RBFOX3: variants seen among roughly 807,000 people sequenced by gnomAD.
RBFOX3 encodes RNA binding fox-1 homolog 3.
RBFOX3 carries 17 observed loss-of-function variants against 48.7 expected under a neutral mutation model. The observed-to-expected ratio is 0.35, with a 90% CI of 0.24 to 0.52. RBFOX3 has a LOEUF of 0.52. Among genes scored for constraint, RBFOX3 ranks in the 20% least tolerant of loss-of-function variants. The pLI, the probability that RBFOX3 is intolerant of heterozygous loss-of-function variation, is 0.94. For missense variants in RBFOX3, 382 were observed against 497.5 expected (o/e 0.77, Z 2.21); for synonymous variants, 212 against 209.5 (o/e 1.01, Z -0.10).
intron 2 of RBFOX3, among the ~76,000 whole-genome samples, chr17:79,384,700 A>C (rs1156451769): frequency 6.6e-6 from 1 of 152,170 alleles, no homozygotes; most frequent in Non-Finnish European, 1.5e-5. Context: ...AGGCCCAAGC[A>C]GGCTGCAGCC....
intron 1 of RBFOX3, among the ~76,000 whole-genome samples, chr17:79,532,200 G>T (rs983957802): frequency 4.8e-5 from 7 of 147,292 alleles, no homozygotes; most frequent in African/African-American, 1.5e-4. Flanking sequence ...CTGCACTGGA[G>T]GGGGGAGGGG....
intron 2 of RBFOX3, among the ~76,000 whole-genome samples, chr17:79,475,560 A>C (rs1162119683): frequency 3.3e-5 from 5 of 152,148 alleles, no homozygotes; most frequent in African/African-American, 4.8e-5. Context: ...CTTAGTTGGA[A>C]ATAAGGTCTT....
chr17:79,202,699 C>T lies in RBFOX3; in HGVS notation c.-34+33067G>A, dbSNP rs1002710901. On this transcript the variant is annotated intron_variant, in intron 4 of 14. Transcript: ENST00000693108. ...CCAGCCTTGGCTGTGCGTGTCAGAG[C>T]GCACAGCTGTGATCCAACAGCCCCT... Among the ~76,000 whole-genome samples, 4 of 152,224 alleles carry T rather than the reference C, an allele frequency of 2.6e-5. No homozygotes were observed. In the East Asian group the frequency reaches 5.8e-4, roughly 22 times the overall value.
At chr17:79,566,323 A>G (rs965029415) in intron 1 of RBFOX3, among the ~76,000 whole-genome samples, 1 of 152,146 alleles carries the variant, frequency 6.6e-6, no homozygotes, top group Admixed American at 6.5e-5. Context: ...TGGGGTCTCC[A>G]CTCATCCACT....
intron 4 of RBFOX3, among the ~76,000 whole-genome samples, chr17:79,157,711 C>T (rs2377303): frequency 0.028 from 4,249 of 152,274 alleles, 179 homozygotes; most frequent in African/African-American, 0.096. Flanking sequence ...CCCAGGCCCA[C>T]GCTGTCCCCA....
At chr17:79,298,005 C>T (rs377629069) in intron 3 of RBFOX3, among the ~76,000 whole-genome samples, 54 of 152,300 alleles carry the variant, frequency 3.5e-4, no homozygotes, top group African/African-American at 1.3e-3. Flanking sequence ...AGTTCGCCAT[C>T]AAGCAAATAC....
In RBFOX3 at chr17:79,117,004, G is replaced by A. The variant is rs375883678; in HGVS notation, c.-33-1256C>T. On this transcript the variant is annotated intron_variant, in intron 4 of 14. Transcript: ENST00000693108. ...GGGCCTGAGAAGCAGCCCTGGTGGG[G>A]AGCCCTTATGATCCCAAGAGGAGGG... 3.8e-3 allele frequency among the ~76,000 whole-genome samples: 582 copies of A among 152,354 alleles called. 8 individuals are homozygous for A. Among genetic ancestry groups the A allele is most frequent in the African/African-American group, 0.013 (555 of 41,592 alleles).
intron 1 of RBFOX3, among the ~76,000 whole-genome samples, chr17:79,608,190 C>A (rs1433078750): frequency 2.0e-5 from 3 of 152,228 alleles, no homozygotes; most frequent in African/African-American, 7.2e-5. Context: ...GAGGCAGGGG[C>A]CGCCCATGCC....
chr17:79,507,360 C>T (rs1254023642), intron 1 of RBFOX3, among the ~76,000 whole-genome samples: 3 of 152,148 alleles, frequency 2.0e-5, no homozygotes, highest in Non-Finnish European at 4.4e-5. Context: ...AAGCAGGGCC[C>T]GAGACTTATA....
At chr17:79,587,762 G>A (rs1401086512) in intron 1 of RBFOX3, among the ~76,000 whole-genome samples, 3 of 152,208 alleles carry the variant, frequency 2.0e-5, no homozygotes, top group Non-Finnish European at 2.9e-5. Context: ...TGGAGGCAGG[G>A]GGAAAGGCTG....
chr17:79,149,450 G>C (rs2043823232), intron 4 of RBFOX3, among the ~76,000 whole-genome samples: 1 of 152,200 alleles, frequency 6.6e-6, no homozygotes, highest in African/African-American at 2.4e-5. Context: ...TTGCTGTCCT[G>C]GGGGAGGAGC....
chr17:79,112,966 T>C (rs915295723), intron 5 of RBFOX3, among the ~76,000 whole-genome samples: 2 of 144,530 alleles, frequency 1.4e-5, no homozygotes, highest in African/African-American at 5.3e-5. Context: ...CCAGGGTACT[T>C]GGTGGCTGCA....
intron 3 of RBFOX3, among the ~76,000 whole-genome samples, chr17:79,270,062 C>T (rs578036128): frequency 6.6e-6 from 1 of 152,276 alleles, no homozygotes; most frequent in South Asian, 2.1e-4. Context: ...TCCCTTCCTC[C>T]TTCTTGCCAC....
intron 2 of RBFOX3, among the ~76,000 whole-genome samples, chr17:79,335,971 C>G (rs1278908133): frequency 1.3e-5 from 2 of 152,258 alleles, no homozygotes; most frequent in Non-Finnish European, 1.5e-5. Context: ...CTGTTTCTCA[C>G]ACCTGCCGGT....
At chr17:79,308,150 G>A (rs1456424614) in intron 2 of RBFOX3, among the ~76,000 whole-genome samples, 1 of 152,162 alleles carries the variant, frequency 6.6e-6, no homozygotes, top group Non-Finnish European at 1.5e-5. Context: ...CTGGAGTTTG[G>A]ACTGACGGGG....
rs768677771 is a variant in RBFOX3, at chr17:79,205,649, A to C, written c.-34+30117T>G. ...TTCACCTACAAAACAGAACCCTACA[A>C]AAACCAGATGAATCAGAGTGGGTGA... On this transcript the variant is annotated intron_variant, in intron 4 of 14. Transcript: ENST00000693108. This position sits in a 1 kb window ranked among gnomAD's most constrained non-coding sequence, Gnocchi z 4.5. Among the ~76,000 whole-genome samples, 4 of 152,174 alleles carry C rather than the reference A, an allele frequency of 2.6e-5. No homozygotes were observed. The highest frequency in any genetic ancestry group is 7.2e-5 in the African/African-American group (3 of 41,428).
rs953699995 is a variant in RBFOX3, at chr17:79,101,578, C to G, written c.568+6G>C. ...AGCAGCCTTGTGGGGGGACCCAGCC[C>G]CTTACCGTTGGTGTAGGGGTTCCCC... On this transcript the variant is annotated splice_donor_region_variant and intron_variant, in intron 9 of 14. Coordinates refer to ENST00000693108, the MANE Select transcript of RBFOX3 (RefSeq NM_001350451.2). 29 of 1,550,718 alleles carry G rather than the reference C, an allele frequency of 1.9e-5. No individual in the cohort carries two copies. In the African/African-American group the frequency reaches 3.7e-4, roughly 20 times the overall value.
chr17:79,553,156 T>A (rs2091311972), intron 1 of RBFOX3, among the ~76,000 whole-genome samples: 1 of 152,204 alleles, frequency 6.6e-6, no homozygotes, highest in Non-Finnish European at 1.5e-5. Flanking sequence ...AAAGTATCAA[T>A]TTATGTTTTG....
At chr17:79,429,263 A>T (rs868951473) in intron 2 of RBFOX3, among the ~76,000 whole-genome samples, 2 of 152,334 alleles carry the variant, frequency 1.3e-5, no homozygotes, top group Middle Eastern at 3.4e-3. Context: ...GGCAGTGGCC[A>T]GCGACCACAC....
Sources: allele counts gnomAD v4.1 joint callset (sites outside exome capture counted in the v4.1 genomes callset), GRCh38; gene constraint gnomAD v4.1.1; non-coding constraint Gnocchi (gnomAD v3.1); transcripts MANE v1.5; gene names NCBI Gene and HGNC (gene_info 2026-07-23, HGNC 2026-07-21).